Variants in JAG2 observed in about 807,000 individuals in gnomAD.
The protein encoded by JAG2 is protein jagged-2.
Under a neutral mutation model 141.7 loss-of-function variants are expected in JAG2, and 46 were observed. The observed-to-expected ratio is 0.32, with a 90% CI of 0.26 to 0.42. The LOEUF (loss-of-function observed/expected upper bound fraction) is 0.42. Ranked by LOEUF, JAG2 falls within the 10% of genes least tolerant of loss-of-function variation. The probability of loss-of-function intolerance (pLI) is 1.00; values close to 1 mark genes in which losing one functional copy is unlikely to be tolerated. For missense variants in JAG2, 1,500 were observed against 1,817.5 expected (o/e 0.83, Z 3.18); for synonymous variants, 862 against 763.5 (o/e 1.13, Z -2.13).
At position 105,162,830 on chromosome 14, in the gene JAG2, C is replaced by T. The variant is rs587765079; in HGVS notation, c.417+4927G>A. Reference sequence around the variant, plus strand: ...ACTCCAGGTCCAGGGCACCCCCAGCCCAGGGCACTGCATGGCCCAGCACAC... The same window carrying T: ...ACTCCAGGTCCAGGGCACCCCCAGCTCAGGGCACTGCATGGCCCAGCACAC... On this transcript the variant is annotated intron_variant, in intron 2 of 25. Coordinates refer to ENST00000331782, the MANE Select transcript of JAG2 (RefSeq NM_002226.5). Among the ~76,000 whole-genome samples the T allele has an allele frequency of 8.6e-4, 130 of 151,992 alleles. 1 individual carries two copies. The East Asian group carries it at 0.018, about 21-fold the overall frequency.
At chr14:105,147,744 C>A in intron 18 of JAG2, 28 bp downstream of exon 18, 3 of 1,460,484 alleles carry the variant, frequency 2.1e-6, no homozygotes, top group South Asian at 1.2e-5. Flanking sequence ...AGGAAAGCGG[C>A]CCCCGCCCAC....
chr14:105,149,392 C>T, intron 12 of JAG2, 72 bp from the exon 13 acceptor site: 7 of 1,597,636 alleles, frequency 4.4e-6, no homozygotes, highest in Admixed American at 1.7e-5. Context: ...GGCCTCTGTC[C>T]ATACGAAGGT....
At chr14:105,147,477 G>A (rs1888260563) in intron 19 of JAG2, 23 bp downstream of exon 19, 1 of 1,610,880 alleles carries the variant, frequency 6.2e-7, no homozygotes, top group African/African-American at 1.3e-5. Context: ...CACCCCTGCT[G>A]TGGCCCCCAG....
intron 3 of JAG2, among the ~76,000 whole-genome samples, chr14:105,156,623 G>A (rs3784241): frequency 1.3e-5 from 2 of 152,230 alleles, no homozygotes; most frequent in East Asian, 3.9e-4. Flanking sequence ...TGCAAAGTCC[G>A]TGATGCCGGT....
chr14:105,149,129 G>GCCCCCCCCCCCCCCCCC, intron 13 of JAG2, 40 bp from the exon 14 acceptor site: 3 of 1,551,876 alleles, frequency 1.9e-6, no homozygotes, highest in Admixed American at 1.9e-5. Flanking sequence ...GCCCGCCCCT[G>GCCCCCCCCCCCCCCCCC]CCCCACCACC....
intron 5 of JAG2, 146 bp downstream of exon 5, chr14:105,155,416 C>T: frequency 2.3e-6 from 2 of 872,836 alleles, no homozygotes; most frequent in South Asian, 1.3e-5. Context: ...CACTAAGGAG[C>T]CTCCCGAGCT....
intron 5 of JAG2, among the ~76,000 whole-genome samples, chr14:105,153,526 G>C (rs1024770479): frequency 2.6e-5 from 4 of 152,224 alleles, no homozygotes; most frequent in African/African-American, 9.7e-5. Flanking sequence ...GCCCACACCA[G>C]GCCCCCACCT....
Position 105,154,024 on chromosome 14 carries a change from G to A in JAG2, c.788+1538C>T, listed in dbSNP as rs1422868442. Among the ~76,000 whole-genome samples the A allele has an allele frequency of 6.6e-6, 1 of 152,200 alleles. No individual in the cohort carries two copies. The highest frequency in any genetic ancestry group is 2.4e-5 in the African/African-American group (1 of 41,440). On this transcript the variant is annotated intron_variant, in intron 5 of 25. Transcript: ENST00000331782. The surrounding 1 kb of genome is among the most constrained non-coding windows in gnomAD (Gnocchi z 4.4). ...AATCCCTGTGTGTGCAAGTGACCGGGTGGGCGGCCCCAGCCCTGCTTGCCT... is the reference window on the plus strand; with the variant it reads ...AATCCCTGTGTGTGCAAGTGACCGGATGGGCGGCCCCAGCCCTGCTTGCCT...
chr14:105,148,726 C>T lies in JAG2; in HGVS notation c.2020+19G>A, dbSNP rs751597955. 2.3e-5 allele frequency: 36 copies of T among 1,541,354 alleles called. No homozygotes were observed. Among genetic ancestry groups the T allele is most frequent in the Admixed American group, 5.8e-5 (3 of 51,610 alleles). ...GGGGTGGAGGCACAGGCCGTGTGGGCGGGTGCTGGAACACTCACTGGTGTC... is the reference window on the plus strand; with the variant it reads ...GGGGTGGAGGCACAGGCCGTGTGGGTGGGTGCTGGAACACTCACTGGTGTC... On this transcript the variant is annotated intron_variant, in intron 15 of 25. Transcript: ENST00000331782.
rs587664602 is a variant in JAG2, at chr14:105,154,319, G to A, written c.788+1243C>T. ...TGCAATCCAAGGCTGGCTGGAGGGC[G>A]GTGCTCACCTCCACCTGCTGTCTCT... On this transcript the variant is annotated intron_variant, in intron 5 of 25. Coordinates refer to ENST00000331782, the MANE Select transcript of JAG2 (RefSeq NM_002226.5). This position sits in a 1 kb window ranked among gnomAD's most constrained non-coding sequence, Gnocchi z 4.4. Among the ~76,000 whole-genome samples, 49 of 152,272 alleles carry A rather than the reference G, an allele frequency of 3.2e-4. No individual in the cohort carries two copies. The highest frequency in any genetic ancestry group is 9.6e-4 in the African/African-American group (40 of 41,532).
At position 105,146,699 on chromosome 14, in the gene JAG2, G is replaced by A. The variant is rs1200395249; in HGVS notation, c.2505C>T (p.Pro835=). The A allele has an allele frequency of 1.9e-6, 3 of 1,612,676 alleles. No homozygotes were observed. Among genetic ancestry groups the A allele is most frequent in the Non-Finnish European group, 2.5e-6 (3 of 1,179,866 alleles). The change falls in exon 21 of 26, where the codon CCC becomes CCT. Residue 835 remains proline (P), a synonymous_variant. Transcript: ENST00000331782. ...CCACACACGTGGCCCCGTAGGCACAGGGCGAGGACTGGCACTCGTCGATGT... is the reference window on the plus strand; with the variant it reads ...CCACACACGTGGCCCCGTAGGCACAAGGCGAGGACTGGCACTCGTCGATGT... ...RINIDECQSS[P]CAYGATCVDE... is the part of the protein sequence containing the mutation.
At chr14:105,160,997 C>CG in intron 2 of JAG2, among the ~76,000 whole-genome samples, 1 of 152,322 alleles carries the variant, frequency 6.6e-6, no homozygotes, top group South Asian at 2.1e-4. Flanking sequence ...GCATAGCCCA[C>CG]GGGGACAGTG....
chr14:105,164,958 A>T (rs1221956424), intron 2 of JAG2, among the ~76,000 whole-genome samples: 1 of 152,006 alleles, frequency 6.6e-6, no homozygotes, highest in African/African-American at 2.4e-5. Context: ...CAGGGCCTTC[A>T]CCCATCCCGT....
At position 105,151,026 on chromosome 14, in the gene JAG2, C is replaced by G; in HGVS notation, c.1346G>C (p.Cys449Ser). The G allele has an allele frequency of 6.2e-7, 1 of 1,613,122 alleles. No individual in the cohort carries two copies. Among genetic ancestry groups the G allele is most frequent in the Non-Finnish European group, 8.5e-7 (1 of 1,179,848 alleles). Reference protein sequence around the residue: ...KNLIGGYYCDCIPGWKGINCH... With the variant: ...KNLIGGYYCDSIPGWKGINCH... ...GTTGATGCCCTTCCAGCCCGGGATG[C>G]AATCACAGTAATAGCCGCCAATCAG... The change falls in exon 10 of 26, where the codon TGC (cysteine) becomes TCC (serine). Residue 449 changes from cysteine to serine, a missense_variant. Physicochemically the swap from Cys to Ser is moderately radical, Grantham distance 112. This residue lies in a region of JAG2 where 875 missense variants were observed against 1,202.2 expected (regional missense o/e 0.73). Transcript: ENST00000331782.
At chr14:105,147,996 G>A in intron 17 of JAG2, 108 bp from the exon 18 acceptor site, 1 of 1,137,676 alleles carries the variant, frequency 8.8e-7, no homozygotes, top group Non-Finnish European at 1.3e-6. Context: ...GGGGGCAGGG[G>A]GCAGGGGGCA....
intron 2 of JAG2, among the ~76,000 whole-genome samples, chr14:105,165,894 C>T (rs1190928811): frequency 2.0e-5 from 3 of 152,244 alleles, no homozygotes; most frequent in Non-Finnish European, 4.4e-5. Flanking sequence ...CTCAGCTCAC[C>T]GCACAGAGCT....
intron 2 of JAG2, among the ~76,000 whole-genome samples, chr14:105,158,206 G>A (rs945783740): frequency 6.6e-6 from 1 of 152,150 alleles, no homozygotes; most frequent in African/African-American, 2.4e-5. Context: ...GACCACGGGG[G>A]AGAACGTGGG....
chr14:105,142,392 A>G lies in JAG2; in HGVS notation c.*303T>C. The G allele has an allele frequency of 2.7e-6, 1 of 370,050 alleles. No individual in the cohort carries two copies. The highest frequency in any genetic ancestry group is 4.6e-5 in the Admixed American group (1 of 21,782). The allele number at this position is 370,050 out of a possible 1,614,324, so 22.9% of individuals were successfully genotyped here. On this transcript the variant is annotated 3_prime_UTR_variant, in exon 26 of 26. Transcript: ENST00000331782. ...AAACAGTGCACAACCTCTGGTAACA[A>G]ACGCTACGATTTGGTGACGACGCAG... is the stretch of plus-strand genomic sequence containing the variant.
At chr14:105,164,981 C>A (rs1405900044) in intron 2 of JAG2, among the ~76,000 whole-genome samples, 1 of 152,188 alleles carries the variant, frequency 6.6e-6, no homozygotes, top group Non-Finnish European at 1.5e-5. Flanking sequence ...TCCTCATAAG[C>A]CCAGATCTGT....
Sources: gnomAD v4.1 joint callset for allele counts (sites outside exome capture counted in the v4.1 genomes callset) on GRCh38, gnomAD v4.1.1 for gene constraint, gnomAD v4.1.1 regional missense constraint, Gnocchi (gnomAD v3.1) non-coding constraint, MANE v1.5 for transcripts, NCBI Gene and HGNC (gene_info 2026-07-23, HGNC 2026-07-21) for gene names.